The following ASIC2 variants were observed in gnomAD, a reference collection of about 807,000 sequenced individuals.
ASIC2 encodes acid-sensing ion channel 2.
Under a neutral mutation model 57.3 loss-of-function variants are expected in ASIC2, and 25 were observed. That is an observed-to-expected ratio of 0.44 (90% CI 0.32 to 0.61). The LOEUF (loss-of-function observed/expected upper bound fraction) is 0.61. Among genes scored for constraint, ASIC2 ranks in the 20% least tolerant of loss-of-function variants. The probability of loss-of-function intolerance (pLI) is 0.06; values close to 1 mark genes in which losing one functional copy is unlikely to be tolerated. For synonymous variants in ASIC2, 319 were observed against 307.5 expected (o/e 1.04, Z -0.39); for missense variants, 641 against 738.1 (o/e 0.87, Z 1.52).
At chr17:33,519,316 C>A (rs1406309135) in intron 1 of ASIC2, among the ~76,000 whole-genome samples, 1 of 152,136 alleles carries the variant, frequency 6.6e-6, no homozygotes, top group Non-Finnish European at 1.5e-5. Flanking sequence ...GGGAGGAATG[C>A]TGGAAGCCGC....
Position 33,536,391 on chromosome 17 carries a change from T to C in ASIC2, c.556-424324A>G, listed in dbSNP as rs544143722. Among the ~76,000 whole-genome samples, 21 of 152,316 alleles carry C rather than the reference T, an allele frequency of 1.4e-4. No homozygotes were observed. In the South Asian group the frequency reaches 4.3e-3, roughly 32 times the overall value. ...GCCGACTGTCAAATTGTTAGAAATA[T>C]TGGAAGACAGTTGATGTCATATTGA... is the stretch of plus-strand genomic sequence containing the variant. On this transcript the variant is annotated intron_variant, in intron 1 of 9. Coordinates refer to the ASIC2 transcript ENST00000359872.
At chr17:33,746,717 T>C (rs373633929) in intron 1 of ASIC2, among the ~76,000 whole-genome samples, 6 of 151,984 alleles carry the variant, frequency 3.9e-5, no homozygotes, top group Admixed American at 3.9e-4. Flanking sequence ...ACACTATACA[T>C]AAATCAGTCC....
chr17:34,012,554 T>C (rs1906808104), intron 1 of ASIC2, among the ~76,000 whole-genome samples: 2 of 152,172 alleles, frequency 1.3e-5, no homozygotes, highest in Non-Finnish European at 2.9e-5. Context: ...TTAGGGAGCT[T>C]TTCCTGATGA....
intron 1 of ASIC2, among the ~76,000 whole-genome samples, chr17:33,552,415 C>A (rs1328658956): frequency 6.6e-6 from 1 of 152,198 alleles, no homozygotes; most frequent in Non-Finnish European, 1.5e-5. Flanking sequence ...CCTTTGCCAA[C>A]TCATGCTTTT....
chr17:33,970,378 T>C (rs1905194213), intron 1 of ASIC2, among the ~76,000 whole-genome samples: 1 of 152,210 alleles, frequency 6.6e-6, no homozygotes, highest in Admixed American at 6.5e-5. Context: ...CTCTCCTTGG[T>C]CTCTGCCTAG....
intron 1 of ASIC2, among the ~76,000 whole-genome samples, chr17:33,683,033 T>G (rs2142058738): frequency 6.6e-6 from 1 of 152,216 alleles, no homozygotes; most frequent in East Asian, 1.9e-4. Flanking sequence ...GCCTTATAGT[T>G]ATAGAGGCTA....
intron 1 of ASIC2, among the ~76,000 whole-genome samples, chr17:33,927,357 T>C (rs962209756): frequency 2.0e-5 from 3 of 152,166 alleles, no homozygotes; most frequent in African/African-American, 7.2e-5. Flanking sequence ...CTCTCCAATG[T>C]GAGGGTAGTA....
Position 33,882,447 on chromosome 17 carries a change from G to A in ASIC2, c.555+273531C>T, listed in dbSNP as rs866979594. Among the ~76,000 whole-genome samples the A allele has an allele frequency of 1.3e-3, 195 of 152,194 alleles. 2 individuals are homozygous for A. In the South Asian group the frequency reaches 0.029, roughly 22 times the overall value. On this transcript the variant is annotated intron_variant, in intron 1 of 9. Coordinates refer to the ASIC2 transcript ENST00000359872. ...CAAACAACCCCATCAAAAAGTGGGC[G>A]AAGGATATGAACAGACACTTCTCAA...
rs571518331 is a variant in ASIC2, at chr17:34,032,017, C to T, written c.555+123961G>A. ...AATTCAGGAAATACAGAGAATGCCA[C>T]AAAGATACTCCTCGAGAAGAGCAAC... On this transcript the variant is annotated intron_variant, in intron 1 of 9. Transcript: ENST00000359872. Among the ~76,000 whole-genome samples, 129 of 152,198 alleles carry T rather than the reference C, an allele frequency of 8.5e-4. 1 individual carries two copies. Among genetic ancestry groups the T allele is most frequent in the African/African-American group, 3.0e-3 (124 of 41,516 alleles).
At chr17:34,155,570 GACACAC>G (rs993132835) in intron 1 of ASIC2, 1 of 191,660 alleles carries the variant, frequency 5.2e-6, no homozygotes, top group Non-Finnish European at 1.1e-5. Context: ...AGCAGAGAGA[GACACAC>G]ACGCACACGC....
intron 1 of ASIC2, among the ~76,000 whole-genome samples, chr17:33,860,897 T>C (rs570118467): frequency 4.7e-4 from 71 of 152,340 alleles, no homozygotes; most frequent in African/African-American, 1.7e-3. Flanking sequence ...AGGTACAATG[T>C]TGAGCAATTA....
intron 1 of ASIC2, among the ~76,000 whole-genome samples, chr17:33,199,844 C>T (rs1906785815): frequency 6.6e-6 from 1 of 152,154 alleles, no homozygotes; most frequent in South Asian, 2.1e-4. Flanking sequence ...TTGATCATGA[C>T]ATTCACATGA....
At chr17:33,573,414 G>A (rs1221732357) in intron 1 of ASIC2, among the ~76,000 whole-genome samples, 1 of 152,118 alleles carries the variant, frequency 6.6e-6, no homozygotes, top group Non-Finnish European at 1.5e-5. Context: ...GACTCTCCTA[G>A]ATCCAACTCC....
chr17:33,799,450 CTTTCT>C (rs1567719169), intron 1 of ASIC2, among the ~76,000 whole-genome samples: 97 of 80,776 alleles, frequency 1.2e-3, no homozygotes, highest in African/African-American at 3.9e-3. Flanking sequence ...TTCTTTCTTT[CTTTCT>C]TTCTTTCTTT....
intron 1 of ASIC2, among the ~76,000 whole-genome samples, chr17:33,600,545 A>C (rs539118056): frequency 1.1e-3 from 162 of 152,366 alleles, no homozygotes; most frequent in Non-Finnish European, 1.9e-3. Context: ...AGGTTGGCAG[A>C]ATTTGGCAGG....
chr17:34,031,793 G>A (rs893746374), intron 1 of ASIC2, among the ~76,000 whole-genome samples: 9 of 152,160 alleles, frequency 5.9e-5, no homozygotes, highest in Admixed American at 2.0e-4. Context: ...GAAATGAAGC[G>A]AGAAGAGAAG....
chr17:33,082,953 C>T (rs576457935), intron 3 of ASIC2, among the ~76,000 whole-genome samples: 62 of 152,118 alleles, frequency 4.1e-4, no homozygotes, highest in Non-Finnish European at 7.4e-4. Flanking sequence ...GATCTATATC[C>T]CTAGCCCTGA....
chr17:33,606,383 A>G (rs1043088137), intron 1 of ASIC2, among the ~76,000 whole-genome samples: 4 of 152,112 alleles, frequency 2.6e-5, no homozygotes, highest in African/African-American at 9.7e-5. Flanking sequence ...GAGCATCCAA[A>G]TCACTCCACA....
chr17:33,245,664 C>A (rs1351826620), intron 1 of ASIC2, among the ~76,000 whole-genome samples: 1 of 152,118 alleles, frequency 6.6e-6, no homozygotes, highest in East Asian at 1.9e-4. Flanking sequence ...GGCTGCTGAG[C>A]TGGGGTCCTC....
Sources: gnomAD v4.1 joint callset for allele counts (sites outside exome capture counted in the v4.1 genomes callset) on GRCh38, gnomAD v4.1.1 for gene constraint, MANE v1.5 for transcripts, NCBI Gene and HGNC (gene_info 2026-07-23, HGNC 2026-07-21) for gene names.